PPM1F: variants seen among roughly 807,000 people sequenced by gnomAD.
PPM1F encodes protein phosphatase 1F.
Under a neutral mutation model 35.5 loss-of-function variants are expected in PPM1F, and 17 were observed. The ratio of observed to expected loss-of-function variants is 0.48; its 90% CI spans 0.33 to 0.72. The LOEUF is 0.72. Ranked by LOEUF, PPM1F falls within the 30% of genes least tolerant of loss-of-function variation. The pLI, the probability that PPM1F is intolerant of heterozygous loss-of-function variation, is 0.02. For missense variants in PPM1F, 521 were observed against 613.0 expected (o/e 0.85, Z 1.59); for synonymous variants, 241 against 255.5 (o/e 0.94, Z 0.54).
intron 6 of PPM1F, 40 bp from the exon 7 acceptor site, chr22:21,925,702 G>T (rs750888214): frequency 2.8e-5 from 42 of 1,501,138 alleles, no homozygotes; most frequent in Non-Finnish European, 3.5e-5. Flanking sequence ...GGGCCGGGGG[G>T]ATGGGGCGTG....
In PPM1F at chr22:21,933,709, G is replaced by A. The variant is rs74954021; in HGVS notation, c.559-130C>T. Reference sequence around the variant, plus strand: ...GCCTTCGCCCGGCTTATGTGCGTATGAGGGGGTAGGTTTGGAAAAGGACAG... The same window carrying A: ...GCCTTCGCCCGGCTTATGTGCGTATAAGGGGGTAGGTTTGGAAAAGGACAG... On this transcript the variant is annotated intron_variant, in intron 4 of 7. Transcript: ENST00000263212. The A allele has an allele frequency of 4.5e-3, 3,751 of 838,442 alleles. 86 individuals are homozygous for A. The African/African-American group carries it at 0.057, about 13-fold the overall frequency. The allele number at this position is 838,442 out of a possible 1,614,324, so 51.9% of individuals were successfully genotyped here.
chr22:21,951,798 G>A (rs1048037685), intron 1 of PPM1F: 2 of 152,180 alleles, frequency 1.3e-5, no homozygotes, highest in Admixed American at 6.5e-5. Flanking sequence ...GTTATAGGAG[G>A]GCAAGCACCC....
chr22:21,935,524 T>G (rs1260607637), intron 3 of PPM1F: 1 of 152,194 alleles, frequency 6.6e-6, no homozygotes, highest in Non-Finnish European at 1.5e-5. Flanking sequence ...TTTGTATTAT[T>G]TATTACAACT....
At chr22:21,948,301 A>ACCCCCCCCC (rs57323653) in intron 1 of PPM1F, 1 of 58,144 alleles carries the variant, frequency 1.7e-5, no homozygotes, top group African/African-American at 6.1e-5. Flanking sequence ...TGAGATCGCC[A>ACCCCCCCCC]CCCCCCCCCC....
Position 21,931,222 on chromosome 22 carries a change from C to T in PPM1F, c.817G>A (p.Gly273Arg), listed in dbSNP as rs1181147575. The part of the protein sequence containing the change: ...AGATLHVAWL[G>R]DSQVILVQQG... ...TGTACCAAAATGACCTGGGAATCCC[C>T]GAGCCAGGCGACGTGCAGGGTCGCT... is the stretch of plus-strand genomic sequence containing the variant. The change falls in exon 6 of 8, where the codon GGG becomes AGG. Residue 273 changes from glycine (G) to arginine (R), a missense_variant. By Grantham distance (125) the Gly-to-Arg change is moderately radical. Around this residue, in one of 3 missense-constraint regions of PPM1F, gnomAD observed 47 missense variants for 92.0 expected, o/e 0.51. Coordinates refer to ENST00000263212, the MANE Select transcript of PPM1F (RefSeq NM_014634.4). 9 of 1,614,100 alleles carry T rather than the reference C, an allele frequency of 5.6e-6. No homozygotes were observed. Among genetic ancestry groups the T allele is most frequent in the Non-Finnish European group, 7.6e-6 (9 of 1,180,038 alleles).
intron 3 of PPM1F, chr22:21,938,218 G>A: frequency 1.5e-6 from 2 of 1,303,060 alleles, no homozygotes; most frequent in Non-Finnish European, 2.0e-6. Flanking sequence ...AGGTGGCGCT[G>A]TCTCCCGCGT....
intron 6 of PPM1F, among the ~76,000 whole-genome samples, chr22:21,926,442 C>T (rs2070516685): frequency 1.3e-5 from 2 of 152,036 alleles, no homozygotes; most frequent in Non-Finnish European, 2.9e-5. Context: ...TAGTTCTTGT[C>T]CTCCTCTACC....
chr22:21,939,305 C>T lies in PPM1F; in HGVS notation c.355+227G>A. On this transcript the variant is annotated intron_variant, in intron 3 of 7. Transcript: ENST00000263212. The surrounding 1 kb of genome is among the most constrained non-coding windows in gnomAD (Gnocchi z 5.1). The stretch of plus-strand genomic sequence containing the variant: ...ACAGGAGGGTGTCTGCACCACCCAC[C>T]CCTGCCTCGTGGGCTGACTGGGAAC... The T allele has an allele frequency of 3.4e-6, 2 of 585,230 alleles. No individual in the cohort carries two copies. The highest frequency in any genetic ancestry group is 5.9e-5 in the East Asian group (2 of 33,806). 36.3% of individuals were successfully genotyped at this position (585,230 alleles called of 1,614,324 possible).
chr22:21,925,554 C>A lies in PPM1F; in HGVS notation c.985+15G>T. 1 of 1,613,340 alleles carries A rather than the reference C, an allele frequency of 6.2e-7. No individual in the cohort carries two copies. The highest frequency in any genetic ancestry group is 1.6e-4 in the Middle Eastern group (1 of 6,062). ...GAGACCTTCTCCCACTTGGGTCGGCCTCTTTGGCTCTCACCGATGGCTCTG... is the reference window on the plus strand; with the variant it reads ...GAGACCTTCTCCCACTTGGGTCGGCATCTTTGGCTCTCACCGATGGCTCTG... On this transcript the variant is annotated intron_variant, in intron 7 of 7. Transcript: ENST00000263212.
chr22:21,926,682 C>A (rs953980546), intron 6 of PPM1F, among the ~76,000 whole-genome samples: 1 of 152,172 alleles, frequency 6.6e-6, no homozygotes, highest in East Asian at 1.9e-4. Flanking sequence ...GAGTGAGGCA[C>A]CTCCCAAGTC....
Position 21,923,448 on chromosome 22 carries a change from C to A in PPM1F, c.1009G>T (p.Val337Leu). ...GAAGCTGCATCGGCCTCCCCAGACACGTAGGGCTTCTGGAAGACATCCCCT... is the reference window on the plus strand; with the variant it reads ...GAAGCTGCATCGGCCTCCCCAGACAAGTAGGGCTTCTGGAAGACATCCCCT... ...AIGDVFQKPY[V>L]SGEADAASRA... Residue 337 changes from valine (V) to leucine (L), a missense_variant, in exon 8 of 8, where the codon GTG (valine) becomes TTG (leucine). Around this residue, in one of 3 missense-constraint regions of PPM1F, gnomAD observed 163 missense variants for 169.6 expected, o/e 0.96. Coordinates refer to ENST00000263212, the MANE Select transcript of PPM1F (RefSeq NM_014634.4). 6.2e-7 allele frequency: 1 copy of A among 1,606,864 alleles called. No individual in the cohort carries two copies.
intron 4 of PPM1F, 94 bp downstream of exon 4, chr22:21,933,930 G>T: frequency 8.1e-7 from 1 of 1,239,344 alleles, no homozygotes; most frequent in Non-Finnish European, 1.1e-6. Flanking sequence ...TCCTGTCTCA[G>T]CCTTGGTGGG....
intron 1 of PPM1F, chr22:21,948,334 GAAAA>G (rs147280601): frequency 1.0e-5 from 1 of 97,238 alleles, no homozygotes; most frequent in African/African-American, 4.6e-5. Context: ...TACCAAAAAA[GAAAA>G]AAAAAGAACA....
intron 6 of PPM1F, among the ~76,000 whole-genome samples, chr22:21,926,711 T>A (rs988158650): frequency 6.6e-6 from 1 of 152,048 alleles, no homozygotes; most frequent in East Asian, 1.9e-4. Context: ...GAAGAGGGCA[T>A]CCCTTACCGG....
intron 4 of PPM1F, 30 bp downstream of exon 4, chr22:21,933,994 T>C: frequency 6.6e-7 from 1 of 1,520,128 alleles, no homozygotes; most frequent in Non-Finnish European, 8.9e-7. Flanking sequence ...CCTCCGAAGC[T>C]GTCCCCAGGG....
chr22:21,942,424 C>T (rs1303881334), intron 2 of PPM1F: 1 of 152,222 alleles, frequency 6.6e-6, no homozygotes, highest in Non-Finnish European at 1.5e-5. Flanking sequence ...GCATGAGCCA[C>T]CATGCTCAGC....
At position 21,939,719 on chromosome 22, in the gene PPM1F, CAGG is replaced by C; in HGVS notation, c.207-42_207-40del. The stretch of plus-strand genomic sequence containing the variant: ...GGGGGAAGTGAGGGGCAGCCCCCAG[CAGG>C]AGACCACACCTAGCCCCCCTTCCCC... On this transcript the variant is annotated intron_variant, in intron 2 of 7. Transcript: ENST00000263212. The surrounding 1 kb of genome is among the most constrained non-coding windows in gnomAD (Gnocchi z 5.1). 1 of 1,549,464 alleles carries C rather than the reference CAGG, an allele frequency of 6.5e-7. No individual in the cohort carries two copies. The highest frequency in any genetic ancestry group is 8.7e-7 in the Non-Finnish European group (1 of 1,145,860).
intron 1 of PPM1F, chr22:21,951,153 C>T (rs2070832652): frequency 6.6e-6 from 1 of 152,018 alleles, no homozygotes; most frequent in South Asian, 2.1e-4. Flanking sequence ...GCCTGACTTT[C>T]TTGATAGACT....
In PPM1F at chr22:21,931,235, G is replaced by A. The variant is rs909927805; in HGVS notation, c.804C>T (p.His268=). ...VCALIAGATL[H]VAWLGDSQVI... is the part of the protein sequence containing the mutation. The stretch of plus-strand genomic sequence containing the variant: ...CCTGGGAATCCCCGAGCCAGGCGAC[G>A]TGCAGGGTCGCTCCTGCAATGAGCG... The change falls in exon 6 of 8, where the codon CAC becomes CAT. Residue 268 remains histidine, a synonymous_variant. Coordinates refer to ENST00000263212, the MANE Select transcript of PPM1F (RefSeq NM_014634.4). The A allele has an allele frequency of 8.7e-6, 14 of 1,613,890 alleles. No individual in the cohort carries two copies. Among genetic ancestry groups the A allele is most frequent in the African/African-American group, 4.0e-5 (3 of 74,942 alleles).
Sources: gnomAD v4.1 joint callset for allele counts (sites outside exome capture counted in the v4.1 genomes callset) on GRCh38, gnomAD v4.1.1 for gene constraint, gnomAD v4.1.1 regional missense constraint, Gnocchi (gnomAD v3.1) non-coding constraint, MANE v1.5 for transcripts, NCBI Gene and HGNC (gene_info 2026-07-23, HGNC 2026-07-21) for gene names.